Variants in PPP2R5C observed in about 807,000 individuals in gnomAD.
PPP2R5C encodes protein phosphatase 2 regulatory subunit B'gamma, also known as serine/threonine-protein phosphatase 2A 56 kDa regulatory subunit gamma isoform.
PPP2R5C carries 7 observed loss-of-function variants against 68.9 expected under a neutral mutation model. The observed-to-expected ratio is 0.10, with a 90% CI of 0.06 to 0.19. The LOEUF is 0.19. PPP2R5C is among the 10% of genes least tolerant of loss of function. The pLI is 1.00. For synonymous variants in PPP2R5C, 210 were observed against 222.2 expected, an observed-to-expected ratio of 0.95 and a Z score of 0.49; for missense variants, 348 against 641.3, an observed-to-expected ratio of 0.54 and a Z score of 4.94.
At chr14:101,855,039 G>T (rs916741512) in intron 1 of PPP2R5C, among the ~76,000 whole-genome samples, 3 of 152,042 alleles carry the variant, frequency 2.0e-5, no homozygotes, top group African/African-American at 4.8e-5. Flanking sequence ...GTGTGGTGGC[G>T]CACATCTGTA....
chr14:101,886,594 A>G (rs549951965), intron 5 of PPP2R5C, among the ~76,000 whole-genome samples: 1 of 152,236 alleles, frequency 6.6e-6, no homozygotes, highest in South Asian at 2.1e-4. Flanking sequence ...CAAGCATGCT[A>G]TCTAGATTCC....
chr14:101,834,277 G>A lies in PPP2R5C; in HGVS notation c.95-22409G>A, dbSNP rs773602168. 7.2e-4 allele frequency among the ~76,000 whole-genome samples: 110 copies of A among 152,176 alleles called. 1 individual carries two copies. Among genetic ancestry groups the A allele is most frequent in the Non-Finnish European group, 1.5e-3 (99 of 68,036 alleles). ...AACTGGTGGGACCTTGACTGGGTCC[G>A]GTTCTCCTGTCTGCACATGCAGGCC... On this transcript the variant is annotated intron_variant, in intron 1 of 13. Transcript: ENST00000334743.
intron 3 of PPP2R5C, among the ~76,000 whole-genome samples, chr14:101,786,416 A>G (rs1429200893): frequency 4.6e-5 from 7 of 152,076 alleles, no homozygotes; most frequent in Non-Finnish European, 8.8e-5. Context: ...GTATAGGCAT[A>G]ATACACTAAG....
chr14:101,917,686 G>A lies in PPP2R5C; in HGVS notation c.1327-145G>A, dbSNP rs1279864481. On this transcript the variant is annotated intron_variant, in intron 12 of 13. Coordinates refer to ENST00000334743, the Ensembl canonical transcript of PPP2R5C. The surrounding 1 kb of genome is among the most constrained non-coding windows in gnomAD (Gnocchi z 4.4). Reference sequence around the variant, plus strand: ...AGTCAGCAGCCGCATCATGTTGCAGGTGTAGGCGAGTCTCCCACTGAGTGG... The same window carrying A: ...AGTCAGCAGCCGCATCATGTTGCAGATGTAGGCGAGTCTCCCACTGAGTGG... The A allele has an allele frequency of 2.0e-6, 2 of 1,022,640 alleles. No individual in the cohort carries two copies. The highest frequency in any genetic ancestry group is 3.2e-5 in the African/African-American group (2 of 62,222). 63.3% of individuals were successfully genotyped at this position (1,022,640 alleles called of 1,614,324 possible). A position where few individuals can be genotyped will look rare whatever the true frequency, so the allele number is the denominator to read the frequency against.
rs1166622135 is a variant in PPP2R5C, at chr14:101,891,400, T to C, written c.689+1104T>C. Among the ~76,000 whole-genome samples the C allele has an allele frequency of 6.6e-6, 1 of 152,236 alleles. No individual in the cohort carries two copies. Among genetic ancestry groups the C allele is most frequent in the South Asian group, 2.1e-4 (1 of 4,834 alleles). ...AAAATGTCCTCGCTGACAATTCTTTTAGTTTAGACAAACTTGGGCGGGGTT... is the reference window on the plus strand; with the variant it reads ...AAAATGTCCTCGCTGACAATTCTTTCAGTTTAGACAAACTTGGGCGGGGTT... On this transcript the variant is annotated intron_variant, in intron 6 of 13. Transcript: ENST00000334743. This position sits in a 1 kb window ranked among gnomAD's most constrained non-coding sequence, Gnocchi z 4.9.
chr14:101,852,264 G>A (rs2140520605), intron 1 of PPP2R5C, among the ~76,000 whole-genome samples: 1 of 152,220 alleles, frequency 6.6e-6, no homozygotes, highest in Middle Eastern at 3.4e-3. Flanking sequence ...ACTGACCAGT[G>A]AAACGCATTC....
At chr14:101,855,188 T>C (rs1366340398) in intron 1 of PPP2R5C, among the ~76,000 whole-genome samples, 1 of 152,044 alleles carries the variant, frequency 6.6e-6, no homozygotes, top group Non-Finnish European at 1.5e-5. Flanking sequence ...AGAAAGAAAA[T>C]ACCCATGTTT....
rs1179920301 is a variant in PPP2R5C at position 101,917,585 on chromosome 14, C to T, written c.1327-246C>T. Among the ~76,000 whole-genome samples, 2 of 152,092 alleles carry T rather than the reference C, an allele frequency of 1.3e-5. No individual in the cohort carries two copies. Among genetic ancestry groups the T allele is most frequent in the African/African-American group, 4.8e-5 (2 of 41,414 alleles). On this transcript the variant is annotated intron_variant, in intron 12 of 13. Transcript: ENST00000334743. The surrounding 1 kb of genome is among the most constrained non-coding windows in gnomAD (Gnocchi z 4.4). ...TGTGGGCCAGGGTATGGGCGGGCCACTGTCCATCAGATGCAGAGGGGTCAG... is the reference window on the plus strand; with the variant it reads ...TGTGGGCCAGGGTATGGGCGGGCCATTGTCCATCAGATGCAGAGGGGTCAG...
intron 2 of PPP2R5C, among the ~76,000 whole-genome samples, chr14:101,881,127 G>A (rs1617668): frequency 0.1 from 15,274 of 152,086 alleles, 877 homozygotes; most frequent in South Asian, 0.13. Context: ...GGTGACTCAC[G>A]CCTGTAATCC....
chr14:101,761,712 GCC>G, upstream of PPP2R5C: 3 of 684,190 alleles, frequency 4.4e-6, no homozygotes, highest in Non-Finnish European at 5.4e-6. Flanking sequence ...CGCCGCCGCC[GCC>G]GTGGCTGCCG....
At chr14:101,817,288 C>G (rs1228084185) in intron 1 of PPP2R5C, among the ~76,000 whole-genome samples, 1 of 152,036 alleles carries the variant, frequency 6.6e-6, no homozygotes, top group Non-Finnish European at 1.5e-5. Flanking sequence ...AAGGCTGTTT[C>G]GCTCTCTTAT....
chr14:101,765,482 C>A lies in PPP2R5C; in HGVS notation c.93+2512C>A, dbSNP rs2036803680. ...AACCATTATTGCACACTTTTTCCCT[C>A]TCCTCTCTCTCAGTATTACTCTTAA... On this transcript the variant is annotated intron_variant, in intron 2 of 14. Coordinates refer to the PPP2R5C transcript ENST00000328724. 3 of 539,706 alleles carry A rather than the reference C, an allele frequency of 5.6e-6. No homozygotes were observed. In the African/African-American group the frequency reaches 5.7e-5, roughly 10 times the overall value. 33.4% of individuals were successfully genotyped at this position (539,706 alleles called of 1,614,324 possible). A position where few individuals can be genotyped will look rare whatever the true frequency, so the allele number is the denominator to read the frequency against.
At position 101,781,202 on chromosome 14, in the gene PPP2R5C, A is replaced by G. The variant is rs925885348; in HGVS notation, c.94-4816A>G. Among the ~76,000 whole-genome samples, 4 of 152,296 alleles carry G rather than the reference A, an allele frequency of 2.6e-5. No individual in the cohort carries two copies. In the South Asian group the frequency reaches 8.3e-4, roughly 32 times the overall value. On this transcript the variant is annotated intron_variant, in intron 2 of 14. Coordinates refer to the PPP2R5C transcript ENST00000328724. This position sits in a 1 kb window ranked among gnomAD's most constrained non-coding sequence, Gnocchi z 6.4. ...AGGGTCCCCACCGGGCTGTCCACGA[A>G]CCAGCGAACCAGCGGTGTTGGTGGT...
chr14:101,918,087 AC>A, intron 13 of PPP2R5C, 140 bp downstream of exon 15: 1 of 1,253,384 alleles, frequency 8.0e-7, no homozygotes, highest in Non-Finnish European at 1.1e-6. Context: ...CTTATAGGAA[AC>A]ATTGTATCGA....
upstream of PPP2R5C, among the ~76,000 whole-genome samples, chr14:101,806,889 G>A (rs1595212294): frequency 6.6e-6 from 1 of 152,330 alleles, no homozygotes; most frequent in East Asian, 1.9e-4. Flanking sequence ...TTGGGCCCAG[G>A]AGGCCGAGGC....
rs184682904 is a variant in PPP2R5C at position 101,899,735 on chromosome 14, G to C, written c.853-1984G>C. ...GTCCTTAATAGTGATTCCAATACAC[G>C]CAAAGTGTGGTAGGAACACAATAAA... On this transcript the variant is annotated intron_variant, in intron 8 of 13. Coordinates refer to ENST00000334743, the Ensembl canonical transcript of PPP2R5C. The surrounding 1 kb of genome is among the most constrained non-coding windows in gnomAD (Gnocchi z 4.2). Among the ~76,000 whole-genome samples, 84 of 152,292 alleles carry C rather than the reference G, an allele frequency of 5.5e-4. No individual in the cohort carries two copies. The highest frequency in any genetic ancestry group is 2.0e-3 in the African/African-American group (82 of 41,562).
intron 3 of PPP2R5C, 98 bp downstream of exon 3, chr14:101,786,281 A>G: frequency 8.9e-7 from 1 of 1,123,126 alleles, no homozygotes; most frequent in Non-Finnish European, 1.2e-6. Context: ...CTGTGTTTGT[A>G]TTTTGTGGGG....
At chr14:101,922,011 A>G (rs1362794663) in intron 13 of PPP2R5C, 1 of 985,338 alleles carries the variant, frequency 1.0e-6, no homozygotes, top group African/African-American at 1.7e-5. Flanking sequence ...AGTGTCAACC[A>G]CGCAAGTAAG....
Position 101,877,079 on chromosome 14 carries a change from G to T in PPP2R5C, c.295-5082G>T, listed in dbSNP as rs1289623346. Among the ~76,000 whole-genome samples the T allele has an allele frequency of 6.6e-6, 1 of 150,842 alleles. No homozygotes were observed. The highest frequency in any genetic ancestry group is 1.5e-5 in the Non-Finnish European group (1 of 67,878). ...TTCTCCTGCCTCAGCCTCCCGAGTA[G>T]CTGGGATTACAGGCACCCACCACCA... On this transcript the variant is annotated intron_variant, in intron 2 of 13. Transcript: ENST00000334743. This position sits in a 1 kb window ranked among gnomAD's most constrained non-coding sequence, Gnocchi z 4.2.
Sources: allele counts gnomAD v4.1 joint callset (sites outside exome capture counted in the v4.1 genomes callset), GRCh38; gene constraint gnomAD v4.1.1; non-coding constraint Gnocchi (gnomAD v3.1); transcripts MANE v1.5; gene names NCBI Gene and HGNC (gene_info 2026-07-23, HGNC 2026-07-21).